The following NSUN4 variants were observed in gnomAD, a reference collection of about 807,000 sequenced individuals.
NSUN4 encodes 5-cytosine rRNA methyltransferase NSUN4.
NSUN4 carries 31 observed loss-of-function variants against 43.8 expected under a neutral mutation model. The observed-to-expected ratio is 0.71, with a 90% CI of 0.53 to 0.96. The LOEUF (loss-of-function observed/expected upper bound fraction) is 0.96, where lower values mean the gene tolerates loss of function less well. Ranked by LOEUF, NSUN4 falls within the 40% of genes least tolerant of loss-of-function variation. The probability of loss-of-function intolerance (pLI) is 0.00; values close to 1 mark genes in which losing one functional copy is unlikely to be tolerated. For missense variants in NSUN4, 439 were observed against 475.6 expected (o/e 0.92, Z 0.72); for synonymous variants, 167 against 184.1 (o/e 0.91, Z 0.75).
chr1:46,356,555 G>T (rs1663384842), intron 4 of NSUN4, among the ~76,000 whole-genome samples: 1 of 152,170 alleles, frequency 6.6e-6, no homozygotes, highest in Non-Finnish European at 1.5e-5. Flanking sequence ...AGCCGGGTGA[G>T]ATGGCGGGCG....
chr1:46,361,891 T>G lies in NSUN4; in HGVS notation c.*45T>G. On this transcript the variant is annotated 3_prime_UTR_variant, in exon 6 of 6. Transcript: ENST00000474844. ...CAAGAATACAAAGGGTATACTCTGT[T>G]GGATGCACCAGAAACTGGAAACTGG... The G allele has an allele frequency of 6.5e-7, 1 of 1,543,072 alleles. No individual in the cohort carries two copies. Among genetic ancestry groups the G allele is most frequent in the Non-Finnish European group, 8.8e-7 (1 of 1,136,264 alleles).
At chr1:46,353,467 G>A (rs1663149266) in intron 4 of NSUN4, among the ~76,000 whole-genome samples, 1 of 151,748 alleles carries the variant, frequency 6.6e-6, no homozygotes, top group African/African-American at 2.4e-5. Context: ...CCACCCTATA[G>A]ATAACGATTG....
the NSUN4 span, among the ~76,000 whole-genome samples, chr1:46,375,834 C>T: frequency 4.6e-4 from 70 of 151,264 alleles, no homozygotes; most frequent in African/African-American, 1.7e-3. Flanking sequence ...TGGCTGGGCG[C>T]GGTGGCTCAC....
intron 3 of NSUN4, among the ~76,000 whole-genome samples, chr1:46,347,439 C>T (rs1406953179): frequency 1.3e-5 from 2 of 152,034 alleles, no homozygotes; most frequent in Non-Finnish European, 2.9e-5. Context: ...CCCTGTCTCA[C>T]ACACACACAA....
chr1:46,375,978 T>C, the NSUN4 span, among the ~76,000 whole-genome samples: 1 of 149,700 alleles, frequency 6.7e-6, no homozygotes, highest in East Asian at 2.0e-4. Flanking sequence ...TGGTGGCACA[T>C]GCCTGTAATC....
downstream of NSUN4, among the ~76,000 whole-genome samples, chr1:46,367,254 C>G (rs1226489416): frequency 6.6e-6 from 1 of 152,154 alleles, no homozygotes; most frequent in Non-Finnish European, 1.5e-5. Context: ...CACCCTTTAC[C>G]CTGCTGCCCA....
intron 3 of NSUN4, among the ~76,000 whole-genome samples, chr1:46,348,870 A>G (rs1299503142): frequency 8.3e-6 from 1 of 121,140 alleles, no homozygotes; most frequent in Non-Finnish European, 1.6e-5. Context: ...GCTGGAGTGC[A>G]GTGGCACGAT....
At chr1:46,346,538 C>T (rs968676018) in intron 2 of NSUN4, among the ~76,000 whole-genome samples, 39 of 118,710 alleles carry the variant, frequency 3.3e-4, no homozygotes, top group African/African-American at 1.2e-3. Flanking sequence ...GGCAACAGAG[C>T]GAGACTGTGT....
the NSUN4 span, among the ~76,000 whole-genome samples, chr1:46,376,975 C>T: frequency 6.6e-6 from 1 of 151,912 alleles, no homozygotes; most frequent in Middle Eastern, 3.4e-3. Context: ...CTATACTGAT[C>T]TCAAACTCCT....
rs140402816 is a variant in NSUN4 at position 46,361,753 on chromosome 1, C to A, written c.1062C>A (p.Phe354Leu). 1 of 1,614,212 alleles carries A rather than the reference C, an allele frequency of 6.2e-7. No individual in the cohort carries two copies. The highest frequency in any genetic ancestry group is 2.2e-5 in the East Asian group (1 of 44,874). ...GGGTTTTCATGGACACATTTTGTTT[C>A]TTCTCATCCTGTCAGGTTGGGGAGC... The part of the protein sequence containing the change: ...FRRVFMDTFC[F>L]FSSCQVGELV... Residue 354 changes from phenylalanine to leucine, a missense_variant, in exon 6 of 6, where the codon TTC becomes TTA. Transcript: ENST00000474844.
At chr1:46,348,406 C>T (rs1005682382) in intron 3 of NSUN4, among the ~76,000 whole-genome samples, 1 of 152,154 alleles carries the variant, frequency 6.6e-6, no homozygotes, top group African/African-American at 2.4e-5. Flanking sequence ...TATATATCTT[C>T]TCCCTCTTAA....
the NSUN4 span, among the ~76,000 whole-genome samples, chr1:46,378,831 G>T: frequency 6.6e-6 from 1 of 152,120 alleles, no homozygotes; most frequent in East Asian, 1.9e-4. Context: ...AAGGGCAAAT[G>T]GGCTGAGCAG....
chr1:46,353,197 T>A (rs142436457), intron 4 of NSUN4, among the ~76,000 whole-genome samples, 169 bp downstream of exon 4: 2 of 152,316 alleles, frequency 1.3e-5, no homozygotes, highest in Non-Finnish European at 2.9e-5. Flanking sequence ...TCAGCTTAGA[T>A]GACTGGTTAT....
rs1662040778 is a variant in NSUN4 at position 46,340,860 on chromosome 1, C to T, written c.34C>T (p.Leu12=). 3 of 1,613,384 alleles carry T rather than the reference C, an allele frequency of 1.9e-6. No individual in the cohort carries two copies. Among genetic ancestry groups the T allele is most frequent in the Non-Finnish European group, 2.5e-6 (3 of 1,179,704 alleles). ...GCTGACACTGAGGGGTGTCCGGGAG[C>T]TGCTGAAGCGTGTGGACCTCGCGAC... ...AALTLRGVRE[L]LKRVDLATVP... Residue 12 remains leucine (L), a synonymous_variant, in exon 1 of 6, where the codon CTG becomes TTG. Transcript: ENST00000474844.
At position 46,343,400 on chromosome 1, in the gene NSUN4, C is replaced by T. The variant is rs912600588; in HGVS notation, c.94-1401C>T. On this transcript the variant is annotated intron_variant, in intron 1 of 5. Transcript: ENST00000474844. ...GTGGCCTCCATATCTACCCTGTGGC[C>T]TCTCAAGGCCCTTGCAAAGAGCCTC... 154 of 399,700 alleles carry T rather than the reference C, an allele frequency of 3.9e-4. 1 individual carries two copies. Among genetic ancestry groups the T allele is most frequent in the African/African-American group, 3.0e-3 (148 of 48,772 alleles). The allele number at this position is 399,700 out of a possible 1,614,324, so 24.8% of individuals were successfully genotyped here.
At chr1:46,382,579 A>G in the NSUN4 span, among the ~76,000 whole-genome samples, 24 of 151,798 alleles carry the variant, frequency 1.6e-4, 1 homozygote, top group African/African-American at 5.6e-4. Flanking sequence ...CAGTTACTTC[A>G]TCAGTAATAT....
rs1243813456 is a variant in NSUN4, at chr1:46,340,936, G to T, written c.93+17G>T. On this transcript the variant is annotated intron_variant, in intron 1 of 5. Coordinates refer to ENST00000474844, the MANE Select transcript of NSUN4 (RefSeq NM_199044.4). ...AAGAAATGGGTAAGGTCCGGCTGGG[G>T]GCGCAGGAGGGAAAAGTGAGGGTGG... 5 of 1,600,166 alleles carry T rather than the reference G, an allele frequency of 3.1e-6. No individual in the cohort carries two copies. In the South Asian group the frequency reaches 5.6e-5, roughly 18 times the overall value.
At chr1:46,384,349 A>C in the NSUN4 span, among the ~76,000 whole-genome samples, 26 of 152,258 alleles carry the variant, frequency 1.7e-4, no homozygotes, top group Middle Eastern at 3.4e-3. Flanking sequence ...CCAAAAGAAG[A>C]AGCTTCTCTG....
intron 1 of NSUN4, chr1:46,342,297 C>T (rs1662170698): frequency 2.5e-6 from 1 of 399,224 alleles, no homozygotes; most frequent in South Asian, 1.3e-4. Flanking sequence ...ACCCAAACCA[C>T]AGCTTGACCT....
Sources: gnomAD v4.1 joint callset for allele counts (sites outside exome capture counted in the v4.1 genomes callset) on GRCh38, gnomAD v4.1.1 for gene constraint, MANE v1.5 for transcripts, NCBI Gene and HGNC (gene_info 2026-07-23, HGNC 2026-07-21) for gene names.